Variants in MACROD2 observed in about 807,000 individuals in gnomAD.
The protein encoded by MACROD2 is ADP-ribose glycohydrolase MACROD2.
A neutral mutation model predicts 70.4 loss-of-function variants in MACROD2; 36 were observed. The ratio of observed to expected loss-of-function variants is 0.51; its 90% CI spans 0.39 to 0.68. MACROD2 has a LOEUF of 0.68. Among genes scored for constraint, MACROD2 ranks in the 30% least tolerant of loss-of-function variants. MACROD2 has a pLI of 0.00. For missense variants in MACROD2, 496 were observed against 538.4 expected (o/e 0.92, Z 0.78); for synonymous variants, 172 against 178.8 (o/e 0.96, Z 0.30).
At chr20:14,743,811 G>C (rs75573539) in intron 5 of MACROD2, among the ~76,000 whole-genome samples, 19 of 152,178 alleles carry the variant, frequency 1.2e-4, no homozygotes, top group African/African-American at 4.3e-4. Flanking sequence ...CTTTCAGATC[G>C]GGAGATTATC....
chr20:14,193,461 AG>A (rs1463872686), intron 3 of MACROD2, among the ~76,000 whole-genome samples: 1 of 152,226 alleles, frequency 6.6e-6, no homozygotes, highest in Non-Finnish European at 1.5e-5. Context: ...ATAGCTCAAA[AG>A]AAGAGACTTT....
At chr20:16,035,582 C>A (rs1382471432) in intron 15 of MACROD2, among the ~76,000 whole-genome samples, 1 of 151,974 alleles carries the variant, frequency 6.6e-6, no homozygotes, top group Non-Finnish European at 1.5e-5. Flanking sequence ...GCTATAATTT[C>A]TATGGGACAA....
intron 3 of MACROD2, among the ~76,000 whole-genome samples, chr20:14,115,119 A>G (rs990693466): frequency 4.6e-5 from 7 of 152,110 alleles, no homozygotes; most frequent in African/African-American, 1.7e-4. Context: ...CTCCTTTCCT[A>G]CAAGAGCAGT....
chr20:14,133,522 G>A (rs910761613), intron 3 of MACROD2, among the ~76,000 whole-genome samples: 3 of 152,046 alleles, frequency 2.0e-5, no homozygotes, highest in African/African-American at 7.2e-5. Context: ...ACAAATAAAT[G>A]TATATTAAAA....
chr20:14,722,919 G>T (rs552470884), intron 5 of MACROD2, among the ~76,000 whole-genome samples: 1 of 152,040 alleles, frequency 6.6e-6, no homozygotes, highest in South Asian at 2.1e-4. Flanking sequence ...ACATAAGATC[G>T]TAAGAAATGA....
chr20:15,899,100 T>C (rs915328825), intron 10 of MACROD2, among the ~76,000 whole-genome samples: 2 of 152,010 alleles, frequency 1.3e-5, no homozygotes, highest in Admixed American at 1.3e-4. Flanking sequence ...GTGTGTGCTA[T>C]CTATATGTAT....
At chr20:15,215,250 T>TTTTG (rs1491554175) in intron 5 of MACROD2, among the ~76,000 whole-genome samples, 1 of 136,034 alleles carries the variant, frequency 7.4e-6, no homozygotes, top group African/African-American at 3.0e-5. Flanking sequence ...TTCTCCTGTA[T>TTTTG]TTTGTGTGTG....
chr20:15,508,599 C>T (rs891015864), intron 8 of MACROD2, among the ~76,000 whole-genome samples: 10 of 152,180 alleles, frequency 6.6e-5, no homozygotes, highest in African/African-American at 2.4e-4. Flanking sequence ...TAAAAGTCAA[C>T]TAATAAGATA....
At chr20:14,760,222 T>C (rs117995713) in intron 5 of MACROD2, among the ~76,000 whole-genome samples, 5,169 of 151,466 alleles carry the variant, frequency 0.034, 131 homozygotes, top group Non-Finnish European at 0.049. Flanking sequence ...CAGGGTGGAG[T>C]GAGGGCAGGG....
intron 4 of MACROD2, among the ~76,000 whole-genome samples, chr20:14,618,114 T>TA (rs11481466): frequency 0.018 from 3 of 170 alleles, no homozygotes; most frequent in African/African-American, 0.065. Flanking sequence ...TCCCTATGAA[T>TA]TTTTTTTTCA....
intron 7 of MACROD2, among the ~76,000 whole-genome samples, chr20:15,484,586 C>T (rs1186484833): frequency 6.6e-6 from 1 of 152,156 alleles, no homozygotes; most frequent in East Asian, 1.9e-4. Flanking sequence ...GAAATATTTT[C>T]TCTTGAAGGC....
At chr20:15,027,018 C>T (rs1190484984) in intron 5 of MACROD2, among the ~76,000 whole-genome samples, 1 of 152,088 alleles carries the variant, frequency 6.6e-6, no homozygotes, top group Non-Finnish European at 1.5e-5. Context: ...AGCTCAAATA[C>T]CAGACTGTCT....
At chr20:14,391,698 C>A (rs758219116) in intron 3 of MACROD2, among the ~76,000 whole-genome samples, 2 of 150,786 alleles carry the variant, frequency 1.3e-5, no homozygotes, top group Non-Finnish European at 1.5e-5. Context: ...AGGCCATTAT[C>A]TTAAGCAAAT....
intron 8 of MACROD2, among the ~76,000 whole-genome samples, chr20:15,599,390 CAA>C: frequency 6.8e-6 from 1 of 147,322 alleles, no homozygotes; most frequent in Non-Finnish European, 1.5e-5. Flanking sequence ...GACTCTGTCT[CAA>C]AAAAAAAAGT....
intron 5 of MACROD2, among the ~76,000 whole-genome samples, chr20:15,039,520 T>C (rs1327232479): frequency 6.6e-6 from 1 of 152,172 alleles, no homozygotes; most frequent in African/African-American, 2.4e-5. Flanking sequence ...TCTCCTTTAC[T>C]TCAAAGTATT....
At chr20:15,565,799 G>C (rs2048302523) in intron 8 of MACROD2, among the ~76,000 whole-genome samples, 1 of 152,082 alleles carries the variant, frequency 6.6e-6, no homozygotes, top group East Asian at 1.9e-4. Context: ...TATTGCCCAG[G>C]CTGGCCTCAA....
intron 6 of MACROD2, among the ~76,000 whole-genome samples, chr20:15,421,903 C>T (rs971641683): frequency 6.6e-6 from 1 of 152,162 alleles, no homozygotes; most frequent in African/African-American, 2.4e-5. Flanking sequence ...AGTAATTTAG[C>T]TGGAGGCTAG....
intron 5 of MACROD2, among the ~76,000 whole-genome samples, chr20:15,161,460 T>TA (rs2076347914): frequency 2.0e-5 from 3 of 151,476 alleles, no homozygotes; most frequent in Admixed American, 1.3e-4. Context: ...TAACTCTAGT[T>TA]AAAATCTTCG....
chr20:14,934,976 TC>T (rs1027907072), intron 5 of MACROD2: 20 of 152,088 alleles, frequency 1.3e-4, no homozygotes, highest in African/African-American at 4.3e-4. Context: ...AGGGGACTCT[TC>T]CTTGGCCTAC....
Sources: gnomAD v4.1 joint callset for allele counts (sites outside exome capture counted in the v4.1 genomes callset) on GRCh38, gnomAD v4.1.1 for gene constraint, MANE v1.5 for transcripts, NCBI Gene and HGNC (gene_info 2026-07-23, HGNC 2026-07-21) for gene names.